AUTS2: variants seen among roughly 807,000 people sequenced by gnomAD.
The protein encoded by AUTS2 is activator of transcription and developmental regulator AUTS2.
In AUTS2, 17 loss-of-function variants were observed where a neutral mutation model predicts 112.4. The observed-to-expected ratio is 0.15, with a 90% confidence interval of 0.10 to 0.23. The LOEUF (loss-of-function observed/expected upper bound fraction) is 0.23. Ranked by LOEUF, AUTS2 falls within the 10% of genes least tolerant of loss-of-function variation. The probability of loss-of-function intolerance (pLI) is 1.00; values close to 1 mark genes in which losing one functional copy is unlikely to be tolerated. For missense variants in AUTS2, 1,510 were observed against 1,701.6 expected, an observed-to-expected ratio of 0.89 and a Z score of 1.98; for synonymous variants, 751 against 702.7, an observed-to-expected ratio of 1.07 and a Z score of -1.09.
At chr7:70,487,758 C>T (rs1044217534) in intron 5 of AUTS2, among the ~76,000 whole-genome samples, 113 of 152,218 alleles carry the variant, frequency 7.4e-4, no homozygotes, top group African/African-American at 2.3e-3. Context: ...AGGAAAGGCT[C>T]AGGGGAGGCA....
intron 4 of AUTS2, among the ~76,000 whole-genome samples, chr7:70,397,097 A>G (rs1033720884): frequency 2.1e-5 from 3 of 141,924 alleles, no homozygotes; most frequent in African/African-American, 7.9e-5. Flanking sequence ...GAATTTTGCT[A>G]TTGTTGCCCA....
At chr7:69,706,787 C>G (rs1244963297) in intron 1 of AUTS2, among the ~76,000 whole-genome samples, 2 of 152,140 alleles carry the variant, frequency 1.3e-5, no homozygotes, top group East Asian at 3.8e-4. Context: ...TGCAGCTGAA[C>G]TGAGCCGCTG....
At chr7:70,043,361 G>A (rs912464663) in intron 2 of AUTS2, among the ~76,000 whole-genome samples, 1 of 151,728 alleles carries the variant, frequency 6.6e-6, no homozygotes, top group Non-Finnish European at 1.5e-5. Context: ...CAGAAACGTT[G>A]GACATAATTA....
chr7:70,318,958 T>C (rs1029071515), intron 4 of AUTS2, among the ~76,000 whole-genome samples: 1 of 152,202 alleles, frequency 6.6e-6, no homozygotes, highest in Non-Finnish European at 1.5e-5. Flanking sequence ...GAGTATTTTA[T>C]GTGCTGTCTC....
At chr7:70,657,398 G>C (rs1371393569) in intron 5 of AUTS2, among the ~76,000 whole-genome samples, 3 of 152,212 alleles carry the variant, frequency 2.0e-5, no homozygotes, top group Non-Finnish European at 4.4e-5. Flanking sequence ...CTTTGTATTA[G>C]AAGTGAAATA....
intron 5 of AUTS2, among the ~76,000 whole-genome samples, chr7:70,566,443 T>C (rs1435169011): frequency 6.6e-6 from 1 of 152,242 alleles, no homozygotes; most frequent in African/African-American, 2.4e-5. Context: ...TACATTTTTA[T>C]ATGTGTATAA....
intron 4 of AUTS2, among the ~76,000 whole-genome samples, chr7:70,156,750 T>C (rs1210261345): frequency 6.6e-6 from 1 of 151,588 alleles, no homozygotes; most frequent in African/African-American, 2.4e-5. Context: ...TTTGTATCAT[T>C]GTGAAAAAGC....
chr7:70,125,423 G>A (rs1033352529), intron 3 of AUTS2, among the ~76,000 whole-genome samples: 16 of 152,212 alleles, frequency 1.1e-4, no homozygotes, highest in African/African-American at 3.9e-4. Flanking sequence ...TAGATTGTGG[G>A]AAAACAAACT....
At chr7:70,671,274 A>G (rs1399953272) in intron 5 of AUTS2, among the ~76,000 whole-genome samples, 1 of 152,230 alleles carries the variant, frequency 6.6e-6, no homozygotes, top group Non-Finnish European at 1.5e-5. Flanking sequence ...CTGCCTCCCC[A>G]GCTGGGTATT....
At chr7:69,835,942 C>G (rs1181389019) in intron 1 of AUTS2, among the ~76,000 whole-genome samples, 1 of 152,166 alleles carries the variant, frequency 6.6e-6, no homozygotes, top group Non-Finnish European at 1.5e-5. Context: ...CACATTTGAG[C>G]AGCAGCAGCT....
intron 5 of AUTS2, among the ~76,000 whole-genome samples, chr7:70,578,078 C>T (rs1387757161): frequency 6.6e-6 from 1 of 152,146 alleles, no homozygotes; most frequent in Non-Finnish European, 1.5e-5. Flanking sequence ...GATCTGCCCG[C>T]CTCGGCCTCT....
At chr7:69,628,497 T>G (rs1479390463) in intron 1 of AUTS2, among the ~76,000 whole-genome samples, 3 of 152,174 alleles carry the variant, frequency 2.0e-5, no homozygotes, top group Non-Finnish European at 4.4e-5. Flanking sequence ...TCTGTATTAG[T>G]TTTCACACTG....
intron 2 of AUTS2, among the ~76,000 whole-genome samples, chr7:70,048,741 C>T (rs975386633): frequency 6.6e-6 from 1 of 152,054 alleles, no homozygotes; most frequent in African/African-American, 2.4e-5. Flanking sequence ...GACCTGAGGT[C>T]CTTGTCAAAA....
At chr7:69,721,707 G>A (rs1394386375) in intron 1 of AUTS2, among the ~76,000 whole-genome samples, 1 of 152,194 alleles carries the variant, frequency 6.6e-6, no homozygotes, top group African/African-American at 2.4e-5. Context: ...TGAGAAATAA[G>A]CTAGAGATGG....
intron 1 of AUTS2, among the ~76,000 whole-genome samples, chr7:69,708,085 A>G (rs773302044): frequency 6.6e-6 from 1 of 152,142 alleles, no homozygotes; most frequent in Non-Finnish European, 1.5e-5. Context: ...TCCAACTGAC[A>G]TGTTTGAGCC....
intron 1 of AUTS2, among the ~76,000 whole-genome samples, chr7:69,772,797 G>A (rs1788723394): frequency 6.6e-6 from 1 of 152,170 alleles, no homozygotes; most frequent in African/African-American, 2.4e-5. Context: ...ATTATGAGGA[G>A]CCAGACTAAG....
intron 2 of AUTS2, among the ~76,000 whole-genome samples, chr7:69,990,779 G>A (rs1798712620): frequency 6.6e-6 from 1 of 152,122 alleles, no homozygotes; most frequent in East Asian, 1.9e-4. Flanking sequence ...GATAATTTTG[G>A]ATTTTGGAAT....
chr7:69,932,126 A>C (rs1796249880), intron 2 of AUTS2, among the ~76,000 whole-genome samples: 1 of 151,958 alleles, frequency 6.6e-6, no homozygotes, highest in African/African-American at 2.4e-5. Context: ...GGTATCTGTG[A>C]TTTCTGTGTG....
chr7:70,286,233 G>T (rs1044840252), intron 4 of AUTS2, among the ~76,000 whole-genome samples: 1 of 152,202 alleles, frequency 6.6e-6, no homozygotes, highest in African/African-American at 2.4e-5. Flanking sequence ...GGGTCTTGAA[G>T]GCCAGGTGTA....
Sources: gnomAD v4.1 joint callset for allele counts (sites outside exome capture counted in the v4.1 genomes callset) on GRCh38, gnomAD v4.1.1 for gene constraint, MANE v1.5 for transcripts, NCBI Gene and HGNC (gene_info 2026-07-23, HGNC 2026-07-21) for gene names.